Variants in ADGRB1 observed in about 807,000 individuals in gnomAD.
ADGRB1 encodes brain-specific angiogenesis inhibitor 1.
A neutral mutation model predicts 175.7 loss-of-function variants in ADGRB1; 36 were observed. The observed-to-expected ratio is 0.20, with a 90% confidence interval of 0.16 to 0.27. The LOEUF (loss-of-function observed/expected upper bound fraction) is 0.27, where lower values mean the gene tolerates loss of function less well. Among genes scored for constraint, ADGRB1 ranks in the 10% least tolerant of loss-of-function variants. The pLI is 1.00. For missense variants in ADGRB1, 1,731 were observed against 2,255.3 expected (o/e 0.77, Z 4.71); for synonymous variants, 1,054 against 979.4 (o/e 1.08, Z -1.42).
chr8:142,472,880 G>T (rs1452144097), intron 2 of ADGRB1, among the ~76,000 whole-genome samples: 1 of 152,124 alleles, frequency 6.6e-6, no homozygotes, highest in Non-Finnish European at 1.5e-5. Flanking sequence ...TTGTGACCTG[G>T]ATCAGGGCTC....
chr8:142,524,336 A>G, intron 23 of ADGRB1, 32 bp downstream of exon 23: 1 of 1,556,226 alleles, frequency 6.4e-7, no homozygotes, highest in Non-Finnish European at 8.6e-7. Flanking sequence ...ACTCCCCACG[A>G]CCCCACCTGG....
At chr8:142,497,968 C>T (rs1464228919) in intron 17 of ADGRB1, among the ~76,000 whole-genome samples, 2 of 152,150 alleles carry the variant, frequency 1.3e-5, no homozygotes, top group Non-Finnish European at 2.9e-5. Flanking sequence ...ACCCTTGGGC[C>T]TGCCCAAGGT....
chr8:142,529,165 C>T (rs1844429304), intron 24 of ADGRB1, among the ~76,000 whole-genome samples: 1 of 149,908 alleles, frequency 6.7e-6, no homozygotes, highest in African/African-American at 2.4e-5. Context: ...TGTGAGTGCA[C>T]ATGAGCACAC....
chr8:142,505,831 T>G (rs1356972653), intron 17 of ADGRB1, among the ~76,000 whole-genome samples: 1 of 152,040 alleles, frequency 6.6e-6, no homozygotes, highest in Non-Finnish European at 1.5e-5. Context: ...GTGGTGGCTG[T>G]GGAGGGTGGG....
At chr8:142,514,303 G>A (rs909144559) in intron 18 of ADGRB1, among the ~76,000 whole-genome samples, 1 of 151,988 alleles carries the variant, frequency 6.6e-6, no homozygotes, top group African/African-American at 2.4e-5. Context: ...GAGGGGAGGT[G>A]AGACCCACGA....
chr8:142,503,262 C>T (rs368443555), intron 17 of ADGRB1, among the ~76,000 whole-genome samples: 106 of 152,030 alleles, frequency 7.0e-4, no homozygotes, highest in African/African-American at 2.4e-3. Flanking sequence ...GGAGCGCTTC[C>T]GAGGTCATGG....
At chr8:142,502,970 A>G (rs1171240401) in intron 17 of ADGRB1, among the ~76,000 whole-genome samples, 3 of 151,604 alleles carry the variant, frequency 2.0e-5, no homozygotes, top group Non-Finnish European at 4.4e-5. Context: ...ACCTGGTGGT[A>G]ATGATGGTGT....
At chr8:142,503,492 G>A (rs1035546342) in intron 17 of ADGRB1, among the ~76,000 whole-genome samples, 2 of 152,110 alleles carry the variant, frequency 1.3e-5, no homozygotes, top group African/African-American at 4.8e-5. Flanking sequence ...TGAGGTCTGG[G>A]CAGTGGCCCC....
chr8:142,454,564 A>G (rs1327041370), intron 1 of ADGRB1, among the ~76,000 whole-genome samples: 3 of 152,302 alleles, frequency 2.0e-5, no homozygotes, highest in Non-Finnish European at 2.9e-5. Context: ...GTTCATGTCC[A>G]GGGATGGGGC....
chr8:142,464,491 G>A lies in ADGRB1; in HGVS notation c.293G>A (p.Arg98His), dbSNP rs1333623134. The change falls in exon 2 of 31, where the codon CGC (arginine) becomes CAC (histidine). Residue 98 changes from arginine (R) to histidine (H), a missense_variant. Coordinates refer to ENST00000517894, the MANE Select transcript of ADGRB1 (RefSeq NM_001702.3). ...CCCGTGCCCTGCAGCGGCCCCGGCC[G>A]CGTGCGCACCTACCAGTTCGACTCC... ...KAPVPCSGPG[R>H]VRTYQFDSFL... is the part of the protein sequence containing the mutation. 1.9e-6 allele frequency: 3 copies of A among 1,580,954 alleles called. No homozygotes were observed. Among genetic ancestry groups the A allele is most frequent in the South Asian group, 2.3e-5 (2 of 86,498 alleles).
At position 142,543,540 on chromosome 8, in the gene ADGRB1, A is replaced by G; in HGVS notation, c.4450-61A>G. 1 of 1,588,210 alleles carries G rather than the reference A, an allele frequency of 6.3e-7. No individual in the cohort carries two copies. The highest frequency in any genetic ancestry group is 8.6e-7 in the Non-Finnish European group (1 of 1,166,572). ...CCGGCAGCCAGGGGACGGGCGGGGC[A>G]GGCAGGATGGGCCATGCCCTCCTCC... On this transcript the variant is annotated intron_variant, in intron 29 of 30. Transcript: ENST00000517894. The surrounding 1 kb of genome is among the most constrained non-coding windows in gnomAD (Gnocchi z 4.4).
At chr8:142,524,342 C>T (rs753318549) in intron 23 of ADGRB1, 38 bp downstream of exon 23, 71 of 1,546,746 alleles carry the variant, frequency 4.6e-5, no homozygotes, top group Non-Finnish European at 6.2e-5. Flanking sequence ...CACGACCCCA[C>T]CTGGGCCCCC....
At chr8:142,458,523 C>T (rs1387668663) in intron 1 of ADGRB1, among the ~76,000 whole-genome samples, 1 of 152,058 alleles carries the variant, frequency 6.6e-6, no homozygotes, top group African/African-American at 2.4e-5. Context: ...AACGTTGGTG[C>T]CCTCTTCCCC....
At chr8:142,541,699 G>A (rs1845281013) in intron 27 of ADGRB1, among the ~76,000 whole-genome samples, 1 of 152,180 alleles carries the variant, frequency 6.6e-6, no homozygotes, top group Non-Finnish European at 1.5e-5. Flanking sequence ...GGCCAGTGGA[G>A]AGGGCCACCC....
chr8:142,466,918 C>G (rs1426749190), intron 2 of ADGRB1, among the ~76,000 whole-genome samples: 1 of 152,220 alleles, frequency 6.6e-6, no homozygotes, highest in Non-Finnish European at 1.5e-5. Flanking sequence ...AGAGCGTTTT[C>G]CTCCAGTTGA....
Position 142,516,482 on chromosome 8 carries a change from C to T in ADGRB1, c.2818-1656C>T, listed in dbSNP as rs540017154. On this transcript the variant is annotated intron_variant, in intron 18 of 30. Coordinates refer to ENST00000517894, the MANE Select transcript of ADGRB1 (RefSeq NM_001702.3). ...TGCGGGCCCCAGATGTGTGTGTGTG[C>T]GCGCGCGTGTGTGCGGGCCCCAGGT... is the stretch of plus-strand genomic sequence containing the variant. 1.8e-3 allele frequency among the ~76,000 whole-genome samples: 154 copies of T among 84,186 alleles called. 2 individuals are homozygous for T. Among genetic ancestry groups the T allele is most frequent in the African/African-American group, 3.2e-3 (69 of 21,360 alleles). The allele number at this position is 84,186 out of a possible 152,430, so 55.2% of individuals were successfully genotyped here.
chr8:142,494,696 G>T (rs777599215), intron 17 of ADGRB1, among the ~76,000 whole-genome samples: 10 of 151,342 alleles, frequency 6.6e-5, no homozygotes, highest in Non-Finnish European at 1.2e-4. Flanking sequence ...CTGCACCCCA[G>T]CAACTAGATC....
chr8:142,526,505 C>T, intron 23 of ADGRB1, 37 bp from the exon 24 acceptor site: 2 of 1,202,264 alleles, frequency 1.7e-6, no homozygotes, highest in Non-Finnish European at 1.2e-6. Flanking sequence ...CTACGGCGGC[C>T]CCCACCCCCA....
chr8:142,481,776 C>T (rs1254659996), intron 11 of ADGRB1, 65 bp downstream of exon 11: 1 of 1,376,946 alleles, frequency 7.3e-7, no homozygotes, highest in Non-Finnish European at 9.7e-7. Context: ...CCCTCCTCGA[C>T]CTTAGAGATG....
Sources: allele counts gnomAD v4.1 joint callset (sites outside exome capture counted in the v4.1 genomes callset), GRCh38; gene constraint gnomAD v4.1.1; non-coding constraint Gnocchi (gnomAD v3.1); transcripts MANE v1.5; gene names NCBI Gene and HGNC (gene_info 2026-07-23, HGNC 2026-07-21).